Variants in DZIP1L observed in about 807,000 individuals in gnomAD.
The protein encoded by DZIP1L is DAZ interacting zinc finger protein 1 like.
A neutral mutation model predicts 88.7 loss-of-function variants in DZIP1L; 90 were observed. That is an observed-to-expected ratio of 1.02 (90% CI 0.86 to 1.21). The LOEUF is 1.21. DZIP1L is among the 50% of genes most tolerant of loss of function. The pLI, the probability that DZIP1L is intolerant of heterozygous loss-of-function variation, is 0.00. For synonymous variants in DZIP1L, 363 were observed against 372.1 expected (o/e 0.98, Z 0.28); for missense variants, 932 against 955.8 (o/e 0.98, Z 0.33).
chr3:138,092,513 T>G lies in DZIP1L; in HGVS notation c.740A>C (p.Glu247Ala). Reference protein sequence around the residue: ...EAELIHQREIEAKKEFDKWKE... With the variant: ...EAELIHQREIAAKKEFDKWKE... ...CCATTTATCAAATTCTTTCTTAGCT[T>G]CTATTTCCCTCTGATGAATGAGCTC... The change falls in exon 5 of 16, where the codon GAA becomes GCA. Residue 247 changes from glutamate (E) to alanine (A), a missense_variant. Physicochemically the swap from Glu to Ala is moderately radical, Grantham distance 107. Coordinates refer to ENST00000327532, the MANE Select transcript of DZIP1L (RefSeq NM_173543.3). 1 of 1,599,036 alleles carries G rather than the reference T, an allele frequency of 6.3e-7. No homozygotes were observed. The highest frequency in any genetic ancestry group is 8.5e-7 in the Non-Finnish European group (1 of 1,175,756).
At chr3:138,079,741 T>C (rs1229371821) in intron 10 of DZIP1L, among the ~76,000 whole-genome samples, 1 of 152,150 alleles carries the variant, frequency 6.6e-6, no homozygotes, top group East Asian at 1.9e-4. Flanking sequence ...GTGCATAGAT[T>C]ACCATCTCAA....
chr3:138,071,726 T>G lies in DZIP1L; in HGVS notation c.1532A>C (p.Lys511Thr), dbSNP rs746836568. ...TCTGCTGGTGACTTCCTTGACAAGCTTTCCCCTCAGACTCAGAAATTCAGA... is the reference window on the plus strand; with the variant it reads ...TCTGCTGGTGACTTCCTTGACAAGCGTTCCCCTCAGACTCAGAAATTCAGA... ...KFSEFLSLRG[K>T]LVKEVTSRAK... The change falls in exon 12 of 16, where the codon AAG becomes ACG. Residue 511 changes from lysine to threonine, a missense_variant. Coordinates refer to ENST00000327532, the MANE Select transcript of DZIP1L (RefSeq NM_173543.3). 1.2e-6 allele frequency: 2 copies of G among 1,614,094 alleles called. No individual in the cohort carries two copies. Among genetic ancestry groups the G allele is most frequent in the Non-Finnish European group, 1.7e-6 (2 of 1,180,046 alleles).
chr3:138,110,426 AG>A (rs2107871768), intron 1 of DZIP1L, among the ~76,000 whole-genome samples: 1 of 152,264 alleles, frequency 6.6e-6, no homozygotes, highest in African/African-American at 2.4e-5. Context: ...CGTTGTGCAC[AG>A]GTACCCTAGA....
intron 3 of DZIP1L, among the ~76,000 whole-genome samples, chr3:138,095,837 A>T (rs1255517849): frequency 6.6e-6 from 1 of 152,196 alleles, no homozygotes; most frequent in Admixed American, 6.5e-5. Flanking sequence ...TATTATAAAG[A>T]ACCAAAGCTC....
intron 2 of DZIP1L, chr3:138,102,994 C>A: frequency 2.1e-6 from 1 of 472,260 alleles, no homozygotes; most frequent in South Asian, 2.1e-5. Flanking sequence ...GCTTCTTGGT[C>A]ACTAACACTA....
intron 5 of DZIP1L, among the ~76,000 whole-genome samples, chr3:138,089,586 G>A (rs1247078964): frequency 6.6e-6 from 1 of 152,094 alleles, no homozygotes; most frequent in Non-Finnish European, 1.5e-5. Flanking sequence ...CTAACATCAG[G>A]AAGAATCATT....
rs374088265 is a variant in DZIP1L, at chr3:138,103,830, G to A, written c.142C>T (p.Arg48Trp). ...ISTLDVDRVA[R>W]ELDVATLQEN... ...TGCAGAGTGGCCACATCCAGTTCCC[G>A]GGCCACGCGGTCTACATCCAGGGTG... is the stretch of plus-strand genomic sequence containing the variant. Residue 48 changes from arginine to tryptophan, a missense_variant, in exon 2 of 16, where the codon CGG (arginine) becomes TGG (tryptophan). Transcript: ENST00000327532. 64 of 1,614,052 alleles carry A rather than the reference G, an allele frequency of 4.0e-5. 1 individual carries two copies. Among genetic ancestry groups the A allele is most frequent in the Admixed American group, 1.2e-4 (7 of 60,012 alleles).
chr3:138,109,955 C>T (rs2042590864), intron 1 of DZIP1L, among the ~76,000 whole-genome samples: 1 of 151,798 alleles, frequency 6.6e-6, no homozygotes, highest in African/African-American at 2.4e-5. Flanking sequence ...ACCGGGCTTC[C>T]TGATATCCCA....
At chr3:138,083,897 G>C (rs186281265) in intron 8 of DZIP1L, among the ~76,000 whole-genome samples, 1 of 152,324 alleles carries the variant, frequency 6.6e-6, no homozygotes, top group African/African-American at 2.4e-5. Flanking sequence ...GGCCCCATCT[G>C]CCAGCAGCCC....
chr3:138,063,491 C>T lies in DZIP1L; in HGVS notation c.2143-514G>A, dbSNP rs1942771715. On this transcript the variant is annotated intron_variant, in intron 15 of 15. Coordinates refer to ENST00000327532, the MANE Select transcript of DZIP1L (RefSeq NM_173543.3). This position sits in a 1 kb window ranked among gnomAD's most constrained non-coding sequence, Gnocchi z 4.1. ...CTGGAAGGGTCTGCACTGCAGCCAGCAGGACAGCTCAGAGTCAGCCAAGGG... is the reference window on the plus strand; with the variant it reads ...CTGGAAGGGTCTGCACTGCAGCCAGTAGGACAGCTCAGAGTCAGCCAAGGG... Among the ~76,000 whole-genome samples the T allele has an allele frequency of 6.6e-6, 1 of 152,232 alleles. No individual in the cohort carries two copies. The highest frequency in any genetic ancestry group is 1.5e-5 in the Non-Finnish European group (1 of 68,036).
chr3:138,088,856 G>C (rs1049450124), intron 5 of DZIP1L: 1 of 992,624 alleles, frequency 1.0e-6, no homozygotes, highest in African/African-American at 1.7e-5. Flanking sequence ...GAGACTCTTA[G>C]AGCCTATGGG....
intron 15 of DZIP1L, 88 bp downstream of exon 15, chr3:138,064,540 C>T (rs1283095770): frequency 6.2e-7 from 1 of 1,613,288 alleles, no homozygotes; most frequent in Non-Finnish European, 8.5e-7. Flanking sequence ...CTTGCTGGGC[C>T]CTCCCCAACC....
intron 6 of DZIP1L, 70 bp from the exon 7 acceptor site, chr3:138,087,093 G>T: frequency 6.7e-7 from 1 of 1,481,756 alleles, no homozygotes; most frequent in Non-Finnish European, 9.4e-7. Flanking sequence ...GCTACAGGAA[G>T]TTAAAAGTAC....
chr3:138,092,909 C>A (rs1308528965), intron 4 of DZIP1L, among the ~76,000 whole-genome samples: 1 of 152,240 alleles, frequency 6.6e-6, no homozygotes, highest in East Asian at 1.9e-4. Context: ...GCTTCCTCCA[C>A]TGAAGTCTTG....
chr3:138,110,749 A>G (rs1013582667), intron 1 of DZIP1L, among the ~76,000 whole-genome samples: 6 of 152,196 alleles, frequency 3.9e-5, no homozygotes, highest in Non-Finnish European at 8.8e-5. Flanking sequence ...GAATTCTATT[A>G]TTTTCCATAC....
intron 12 of DZIP1L, among the ~76,000 whole-genome samples, chr3:138,068,806 A>C (rs566252684): frequency 1.3e-5 from 2 of 152,106 alleles, no homozygotes; most frequent in South Asian, 4.2e-4. Context: ...ATCCACTCAA[A>C]CCTCCTCCCA....
chr3:138,080,113 G>A (rs1943578411), intron 10 of DZIP1L, among the ~76,000 whole-genome samples: 1 of 152,180 alleles, frequency 6.6e-6, no homozygotes, highest in African/African-American at 2.4e-5. Flanking sequence ...AGGGAGCCGA[G>A]GTGGATTCCT....
At chr3:138,093,270 G>A (rs764960705) in intron 4 of DZIP1L, among the ~76,000 whole-genome samples, 1 of 152,132 alleles carries the variant, frequency 6.6e-6, no homozygotes, top group Non-Finnish European at 1.5e-5. Flanking sequence ...CATTGTCAAT[G>A]AGCAGTAATT....
At chr3:138,094,838 CTGA>C (rs774279996) in intron 4 of DZIP1L, 21 bp downstream of exon 4, 1 of 1,613,922 alleles carries the variant, frequency 6.2e-7, no homozygotes, top group South Asian at 1.1e-5. Flanking sequence ...CCAAGTCTCC[CTGA>C]TGTTTTCTCT....
Sources: allele counts gnomAD v4.1 joint callset (sites outside exome capture counted in the v4.1 genomes callset), GRCh38; gene constraint gnomAD v4.1.1; non-coding constraint Gnocchi (gnomAD v3.1); transcripts MANE v1.5; gene names NCBI Gene and HGNC (gene_info 2026-07-23, HGNC 2026-07-21).